The following TMEM71 variants were observed in gnomAD, a reference collection of about 807,000 sequenced individuals.
TMEM71 encodes the protein transmembrane protein 71.
In TMEM71, 44 loss-of-function variants were observed where a neutral mutation model predicts 38.0. That is an observed-to-expected ratio of 1.16 (90% CI 0.91 to 1.49). The LOEUF (loss-of-function observed/expected upper bound fraction) is 1.49, where lower values mean the gene tolerates loss of function less well. TMEM71 is among the 40% of genes most tolerant of loss of function. The pLI is 0.00. For missense variants in TMEM71, 367 were observed against 348.6 expected (o/e 1.05, Z -0.42); for synonymous variants, 133 against 122.5 (o/e 1.09, Z -0.56).
intron 9 of TMEM71, 145 bp from the exon 10 acceptor site, chr8:132,711,127 G>A (rs1425706098): frequency 8.3e-6 from 6 of 723,168 alleles, no homozygotes; most frequent in Non-Finnish European, 1.4e-5. Flanking sequence ...TCACAACTAG[G>A]AAGAGTGCAG....
chr8:132,713,672 G>A (rs992096281), intron 9 of TMEM71, among the ~76,000 whole-genome samples: 3 of 152,176 alleles, frequency 2.0e-5, no homozygotes, highest in East Asian at 1.9e-4. Flanking sequence ...ATTTGGGAAC[G>A]TCTAACACAA....
chr8:132,727,960 T>A lies in TMEM71; in HGVS notation c.514A>T (p.Thr172Ser). Reference protein sequence around the residue: ...NADDLDCSSLTDDWESGKMNA... With the variant: ...NADDLDCSSLSDDWESGKMNA... ...ATCTTCCCTGACTCCCAGTCATCAG[T>A]CAGAGAAGAACAGTCTAAATCATCT... The change falls in exon 6 of 10, where the codon ACT becomes TCT. Residue 172 changes from threonine to serine, a missense_variant. Physicochemically the swap from Thr to Ser is moderately conservative, Grantham distance 58 (BLOSUM62 1). Transcript: ENST00000677595. 1 of 1,613,424 alleles carries A rather than the reference T, an allele frequency of 6.2e-7. No individual in the cohort carries two copies. Among genetic ancestry groups the A allele is most frequent in the South Asian group, 1.1e-5 (1 of 91,016 alleles).
intron 5 of TMEM71, among the ~76,000 whole-genome samples, chr8:132,745,299 GA>G (rs1355512415): frequency 6.6e-6 from 1 of 152,062 alleles, no homozygotes; most frequent in Non-Finnish European, 1.5e-5. Flanking sequence ...CTAATATGTA[GA>G]ACCTATAAGG....
rs575714411 is a variant in TMEM71 at position 132,722,426 on chromosome 8, A to C, written c.677-311T>G. On this transcript the variant is annotated intron_variant, in intron 6 of 9. Coordinates refer to ENST00000677595, the MANE Select transcript of TMEM71 (RefSeq NM_001382403.1). The stretch of plus-strand genomic sequence containing the variant: ...GGAAAGGCTTTGTAGAGTTTATGAT[A>C]ATGTAAGAAATCTAATTCTGTCATT... 3.9e-5 allele frequency among the ~76,000 whole-genome samples: 6 copies of C among 152,318 alleles called. No individual in the cohort carries two copies. The East Asian group carries it at 1.2e-3, about 29-fold the overall frequency.
the TMEM71 span, among the ~76,000 whole-genome samples, chr8:132,772,514 C>A: frequency 7.2e-5 from 11 of 152,134 alleles, no homozygotes; most frequent in Admixed American, 6.5e-4. Flanking sequence ...CTACTCTGAT[C>A]CTGACCTTTG....
chr8:132,746,452 C>CAT (rs1231799546), intron 5 of TMEM71, among the ~76,000 whole-genome samples: 1 of 17,924 alleles, frequency 5.6e-5, no homozygotes, highest in African/African-American at 1.3e-4. Flanking sequence ...TATACATATA[C>CAT]ATATATATAT....
At chr8:132,730,019 C>T (rs1036725780) in intron 5 of TMEM71, among the ~76,000 whole-genome samples, 3 of 150,952 alleles carry the variant, frequency 2.0e-5, no homozygotes, top group African/African-American at 4.9e-5. Flanking sequence ...AGTGCAATGG[C>T]GCAAGCTCAG....
At chr8:132,711,435 A>G (rs921196149) in intron 9 of TMEM71, among the ~76,000 whole-genome samples, 8 of 152,312 alleles carry the variant, frequency 5.3e-5, no homozygotes, top group African/African-American at 1.9e-4. Flanking sequence ...CCTGCCCCGT[A>G]GAACAGCCTG....
At position 132,711,518 on chromosome 8, in the gene TMEM71, C is replaced by T. The variant is rs549859133; in HGVS notation, c.873-536G>A. On this transcript the variant is annotated intron_variant, in intron 9 of 9. Coordinates refer to ENST00000677595, the MANE Select transcript of TMEM71 (RefSeq NM_001382403.1). ...TTCACTCATTCATTAAGTATACGAA[C>T]ATACATTCCTTCATTTAAGAGAGAA... is the stretch of plus-strand genomic sequence containing the variant. Among the ~76,000 whole-genome samples the T allele has an allele frequency of 6.6e-5, 10 of 152,262 alleles. No individual in the cohort carries two copies. In the South Asian group the frequency reaches 2.1e-3, roughly 32 times the overall value.
At chr8:132,762,565 T>G (rs1829316740), upstream of TMEM71, among the ~76,000 whole-genome samples, 1 of 152,228 alleles carries the variant, frequency 6.6e-6, no homozygotes, top group Admixed American at 6.5e-5. Flanking sequence ...GTGCTTACTA[T>G]GTACCAGGCA....
the TMEM71 span, chr8:132,775,211 A>G: frequency 9.4e-6 from 3 of 318,746 alleles, no homozygotes; most frequent in East Asian, 5.0e-5. Context: ...TCTTTCCTCC[A>G]GTAACCAGAG....
chr8:132,758,374 G>C (rs1408829732), intron 2 of TMEM71: 1 of 162,948 alleles, frequency 6.1e-6, no homozygotes, highest in Non-Finnish European at 1.3e-5. Flanking sequence ...CTTTCAGATT[G>C]GGCTGGTTGA....
In TMEM71 at chr8:132,748,418, A is replaced by G. The variant is rs78141568; in HGVS notation, c.315-1304T>C. ...GGCTAGAGATGCCATTAAACATCCT[A>G]CAATGCACAGGGCAGTTGCCCACAA... On this transcript the variant is annotated intron_variant, in intron 4 of 9. Coordinates refer to ENST00000677595, the MANE Select transcript of TMEM71 (RefSeq NM_001382403.1). Among the ~76,000 whole-genome samples the G allele has an allele frequency of 8.8e-3, 1,345 of 152,322 alleles. 41 individuals are homozygous for G. The East Asian group carries it at 0.089, about 10-fold the overall frequency.
At chr8:132,767,984 G>A in the TMEM71 span, among the ~76,000 whole-genome samples, 2 of 152,112 alleles carry the variant, frequency 1.3e-5, no homozygotes, top group South Asian at 2.1e-4. Flanking sequence ...TTACTTATAC[G>A]TAATATGGGG....
downstream of TMEM71, among the ~76,000 whole-genome samples, chr8:132,709,337 G>C (rs1157421524): frequency 1.3e-5 from 2 of 152,160 alleles, no homozygotes; most frequent in Non-Finnish European, 2.9e-5. Context: ...AATGGCAAAG[G>C]CATGGGACAT....
intron 6 of TMEM71, among the ~76,000 whole-genome samples, chr8:132,723,615 A>C (rs1170532386): frequency 6.6e-6 from 1 of 152,176 alleles, no homozygotes; most frequent in Non-Finnish European, 1.5e-5. Flanking sequence ...GGAATTAAAA[A>C]TTCTATAATA....
intron 7 of TMEM71, among the ~76,000 whole-genome samples, chr8:132,720,610 C>T (rs74462621): frequency 0.093 from 14,095 of 152,236 alleles, 846 homozygotes; most frequent in Middle Eastern, 0.15. Flanking sequence ...TTGCAAACCT[C>T]ATAATTATCT....
At chr8:132,736,191 C>T (rs1827735280) in intron 5 of TMEM71, among the ~76,000 whole-genome samples, 1 of 152,190 alleles carries the variant, frequency 6.6e-6, no homozygotes, top group African/African-American at 2.4e-5. Context: ...TTCACTGTTG[C>T]TCTGTGCTAG....
At chr8:132,755,583 G>T (rs1425606080) in intron 3 of TMEM71, among the ~76,000 whole-genome samples, 1 of 152,110 alleles carries the variant, frequency 6.6e-6, no homozygotes, top group Non-Finnish European at 1.5e-5. Context: ...GTTGGTGAAA[G>T]GACAAATATC....
Sources: allele counts gnomAD v4.1 joint callset (sites outside exome capture counted in the v4.1 genomes callset), GRCh38; gene constraint gnomAD v4.1.1; transcripts MANE v1.5; gene names NCBI Gene and HGNC (gene_info 2026-07-23, HGNC 2026-07-21).